The following TMEM170A variants were observed in gnomAD, a reference collection of about 807,000 sequenced individuals.
TMEM170A encodes transmembrane protein 170A.
A neutral mutation model predicts 12.8 loss-of-function variants in TMEM170A; 18 were observed. The observed-to-expected ratio is 1.41, with a 90% CI of 0.97 to 2.09. The LOEUF (loss-of-function observed/expected upper bound fraction) is 2.09, where lower values mean the gene tolerates loss of function less well. Ranked by LOEUF, TMEM170A falls within the 30% of genes most tolerant of loss-of-function variation. TMEM170A has a pLI of 0.00. For synonymous variants in TMEM170A, 107 were observed against 76.2 expected (o/e 1.40, Z -2.11); for missense variants, 220 against 179.9 (o/e 1.22, Z -1.28).
In TMEM170A at chr16:75,464,631, G is replaced by A. The variant is rs1307484238; in HGVS notation, c.-31C>T. ...CGCCATTCACCACAGAGAAATGAGG[G>A]ACGAGCGCCCGAAGTGCGGTAGCGG... On this transcript the variant is annotated 5_prime_UTR_variant, in exon 1 of 3. Transcript: ENST00000561878. 3 of 1,560,174 alleles carry A rather than the reference G, an allele frequency of 1.9e-6. No individual in the cohort carries two copies. Among genetic ancestry groups the A allele is most frequent in the Non-Finnish European group, 2.6e-6 (3 of 1,158,262 alleles).
At chr16:75,464,412 A>C (rs2079961348) in intron 1 of TMEM170A, 56 bp downstream of exon 1, 5 of 1,391,444 alleles carry the variant, frequency 3.6e-6, no homozygotes, top group Non-Finnish European at 4.7e-6. Context: ...GGGCGCCCAC[A>C]GCACGGCAGC....
chr16:75,460,654 C>T (rs2079886879), intron 1 of TMEM170A, among the ~76,000 whole-genome samples: 1 of 152,168 alleles, frequency 6.6e-6, no homozygotes, highest in Non-Finnish European at 1.5e-5. Flanking sequence ...CTTCCCAGGC[C>T]CCTCACCACC....
At chr16:75,456,406 G>C (rs916957941) in intron 1 of TMEM170A, among the ~76,000 whole-genome samples, 3 of 152,076 alleles carry the variant, frequency 2.0e-5, no homozygotes, top group African/African-American at 4.8e-5. Flanking sequence ...AGGCCAACAC[G>C]GCGAAACCGT....
intron 1 of TMEM170A, 35 bp downstream of exon 1, chr16:75,464,433 G>C: frequency 7.1e-7 from 1 of 1,406,380 alleles, no homozygotes. Flanking sequence ...GGCGACGGCG[G>C]GGCGCGCAGT....
chr16:75,456,931 C>A (rs1032952659), intron 1 of TMEM170A, among the ~76,000 whole-genome samples: 1 of 152,224 alleles, frequency 6.6e-6, no homozygotes, highest in Non-Finnish European at 1.5e-5. Context: ...CATCTTCTAT[C>A]CCGAGTCCTC....
chr16:75,447,600 G>T lies in TMEM170A; in HGVS notation c.393C>A (p.Cys131Ter). The T allele has an allele frequency of 6.2e-7, 1 of 1,611,872 alleles. No individual in the cohort carries two copies. The highest frequency in any genetic ancestry group is 1.1e-5 in the South Asian group (1 of 90,828). Reference protein sequence around the residue: ...ALTLGTGQTFCVLVVSFLRIL... With the variant: ...ALTLGTGQTF ...TCCGTAAAAAGGAGACCACCAAGAC[G>T]CAAAATGTCTGTCCAGTGCCCAGTG... The change falls in exon 3 of 3, where the codon TGC (cysteine) becomes TGA (stop). Residue 131 changes from cysteine to a stop codon, truncating the protein, a stop_gained. Coordinates refer to ENST00000561878, the MANE Select transcript of TMEM170A (RefSeq NM_145254.3). LOFTEE classifies it high-confidence loss of function.
At position 75,464,685 on chromosome 16, in the gene TMEM170A, G is replaced by T. The variant is rs2079967929; in HGVS notation, c.-85C>A. 1 of 1,494,770 alleles carries T rather than the reference G, an allele frequency of 6.7e-7. No homozygotes were observed. The highest frequency in any genetic ancestry group is 8.9e-7 in the Non-Finnish European group (1 of 1,128,826). 92.6% of individuals were successfully genotyped at this position (1,494,770 alleles called of 1,614,324 possible). A position where few individuals can be genotyped will look rare whatever the true frequency, so the allele number is the denominator to read the frequency against. Reference sequence around the variant, plus strand: ...GCGCCGACTCACCCTCGCCGCCTCAGCGTCACCTCCAGCCGGGGTCCTCTT... The same window carrying T: ...GCGCCGACTCACCCTCGCCGCCTCATCGTCACCTCCAGCCGGGGTCCTCTT... On this transcript the variant is annotated 5_prime_UTR_variant, in exon 1 of 3. In the 5' UTR this introduces an upstream ATG that the reference lacks. Coordinates refer to ENST00000561878, the MANE Select transcript of TMEM170A (RefSeq NM_145254.3).
intron 2 of TMEM170A, among the ~76,000 whole-genome samples, chr16:75,448,401 G>A (rs755703259): frequency 1.3e-5 from 2 of 152,180 alleles, no homozygotes; most frequent in Non-Finnish European, 2.9e-5. Flanking sequence ...ACCCATTTGA[G>A]TTACTATACG....
chr16:75,456,012 T>A (rs2079787559), intron 1 of TMEM170A, among the ~76,000 whole-genome samples: 1 of 152,090 alleles, frequency 6.6e-6, no homozygotes, highest in Non-Finnish European at 1.5e-5. Flanking sequence ...AAACCACAGT[T>A]TTATGAAGGT....
chr16:75,447,010 A>G lies in TMEM170A; in HGVS notation c.*548T>C, dbSNP rs767180155. On this transcript the variant is annotated 3_prime_UTR_variant, in exon 3 of 3. Coordinates refer to ENST00000561878, the MANE Select transcript of TMEM170A (RefSeq NM_145254.3). The stretch of plus-strand genomic sequence containing the variant: ...TGGAACCAAAGCCACTACTTGAGTT[A>G]TACTTAAATTTTTTTTCCTGCTTTA... The G allele has an allele frequency of 2.0e-5, 3 of 152,216 alleles. No individual in the cohort carries two copies. The highest frequency in any genetic ancestry group is 7.2e-5 in the African/African-American group (3 of 41,456). 9.4% of individuals were successfully genotyped at this position (152,216 alleles called of 1,614,324 possible).
intron 1 of TMEM170A, among the ~76,000 whole-genome samples, chr16:75,463,320 C>G (rs1176108438): frequency 6.6e-6 from 1 of 151,824 alleles, no homozygotes; most frequent in Admixed American, 6.6e-5. Context: ...CAAAAGTGAT[C>G]CTAGCACCTT....
chr16:75,464,665 G>A lies in TMEM170A; in HGVS notation c.-65C>T, dbSNP rs1031802977. Reference sequence around the variant, plus strand: ...CCGAAGTGCGGTAGCGGCCGGCGCCGACTCACCCTCGCCGCCTCAGCGTCA... The same window carrying A: ...CCGAAGTGCGGTAGCGGCCGGCGCCAACTCACCCTCGCCGCCTCAGCGTCA... On this transcript the variant is annotated 5_prime_UTR_variant, in exon 1 of 3. Coordinates refer to ENST00000561878, the MANE Select transcript of TMEM170A (RefSeq NM_145254.3). The A allele has an allele frequency of 1.6e-5, 25 of 1,527,808 alleles. No individual in the cohort carries two copies. Among genetic ancestry groups the A allele is most frequent in the African/African-American group, 1.6e-4 (11 of 69,518 alleles). The allele number at this position is 1,527,808 out of a possible 1,614,324, so 94.6% of individuals were successfully genotyped here.
At position 75,446,960 on chromosome 16, in the gene TMEM170A, T is replaced by C. The variant is rs1349417232; in HGVS notation, c.*598A>G. 1 of 152,242 alleles carries C rather than the reference T, an allele frequency of 6.6e-6. No individual in the cohort carries two copies. Among genetic ancestry groups the C allele is most frequent in the Non-Finnish European group, 1.5e-5 (1 of 68,040 alleles). 9.4% of individuals were successfully genotyped at this position (152,242 alleles called of 1,614,324 possible). ...CCAGAAAATGTCACATTATTCATTG[T>C]TATCTACTTTTTATTTATAAACAGT... is the stretch of plus-strand genomic sequence containing the variant. On this transcript the variant is annotated 3_prime_UTR_variant, in exon 3 of 3. Coordinates refer to ENST00000561878, the MANE Select transcript of TMEM170A (RefSeq NM_145254.3).
intron 1 of TMEM170A, 197 bp downstream of exon 1, chr16:75,464,271 G>C: frequency 3.3e-6 from 5 of 1,494,684 alleles, no homozygotes; most frequent in South Asian, 1.2e-5. Context: ...GCGGGACTCC[G>C]GGGCTCCGCC....
At chr16:75,449,047 C>T (rs2079634310) in intron 2 of TMEM170A, among the ~76,000 whole-genome samples, 1 of 151,772 alleles carries the variant, frequency 6.6e-6, no homozygotes, top group Non-Finnish European at 1.5e-5. Flanking sequence ...GGTGACAGAA[C>T]AAGACCCTGT....
intron 1 of TMEM170A, among the ~76,000 whole-genome samples, chr16:75,453,465 A>AAAAATAATTCCCCCATAAG (rs2079725405): frequency 6.6e-6 from 1 of 152,184 alleles, no homozygotes. Flanking sequence ...AAACCCAAAC[A>AAAAATAATTCCCCCATAAG]AAAATAATTC....
At chr16:75,462,317 T>C (rs1322266326) in intron 1 of TMEM170A, among the ~76,000 whole-genome samples, 2 of 152,224 alleles carry the variant, frequency 1.3e-5, no homozygotes, top group Non-Finnish European at 2.9e-5. Context: ...CCTCCTGGGT[T>C]CAAGAGATTC....
chr16:75,447,294 G>A lies in TMEM170A; in HGVS notation c.*264C>T. ...CACTGTTGACTTGGCTTGGGTAAAG[G>A]TACACATGAAAACTGCTTAAATCAA... On this transcript the variant is annotated 3_prime_UTR_variant, in exon 3 of 3. Transcript: ENST00000561878. 3.9e-6 allele frequency: 1 copy of A among 255,980 alleles called. No individual in the cohort carries two copies. The highest frequency in any genetic ancestry group is 1.4e-4 in the South Asian group (1 of 6,918). The allele number at this position is 255,980 out of a possible 1,614,324, so 15.9% of individuals were successfully genotyped here. A position where few individuals can be genotyped will look rare whatever the true frequency, so the allele number is the denominator to read the frequency against.
At chr16:75,455,000 T>C (rs1393621269) in intron 1 of TMEM170A, among the ~76,000 whole-genome samples, 1 of 152,236 alleles carries the variant, frequency 6.6e-6, no homozygotes, top group African/African-American at 2.4e-5. Flanking sequence ...TGCATGGCTA[T>C]CACTGCAGAA....
Sources: allele counts gnomAD v4.1 joint callset (sites outside exome capture counted in the v4.1 genomes callset), GRCh38; gene constraint gnomAD v4.1.1; transcripts MANE v1.5; gene names NCBI Gene and HGNC (gene_info 2026-07-23, HGNC 2026-07-21).